The following KCNIP4 variants were observed in gnomAD, a reference collection of about 807,000 sequenced individuals.
KCNIP4 encodes Kv channel-interacting protein 4.
In KCNIP4, 12 loss-of-function variants were observed where a neutral mutation model predicts 34.0. The observed-to-expected ratio is 0.35, with a 90% CI of 0.23 to 0.57. The LOEUF (loss-of-function observed/expected upper bound fraction) is 0.57, where lower values mean the gene tolerates loss of function less well. KCNIP4 is among the 20% of genes least tolerant of loss of function. The probability of loss-of-function intolerance (pLI) is 0.83; values close to 1 mark genes in which losing one functional copy is unlikely to be tolerated. For synonymous variants in KCNIP4, 124 were observed against 102.2 expected (o/e 1.21, Z -1.29); for missense variants, 238 against 311.7 (o/e 0.76, Z 1.78).
intron 1 of KCNIP4, among the ~76,000 whole-genome samples, chr4:21,264,054 A>G (rs1761642343): frequency 6.6e-6 from 1 of 151,968 alleles, no homozygotes; most frequent in Non-Finnish European, 1.5e-5. Context: ...TGAAGGCTCT[A>G]TTGAATCCAA....
At chr4:21,176,774 G>A (rs1239279624) in intron 1 of KCNIP4, among the ~76,000 whole-genome samples, 1 of 152,096 alleles carries the variant, frequency 6.6e-6, no homozygotes, top group South Asian at 2.1e-4. Context: ...ACCCACCTCG[G>A]CCTCCCAAAG....
At chr4:21,908,777 C>T (rs185707517) in intron 1 of KCNIP4, among the ~76,000 whole-genome samples, 9 of 152,110 alleles carry the variant, frequency 5.9e-5, no homozygotes, top group Admixed American at 2.0e-4. Flanking sequence ...ATTTTTCTTC[C>T]GCAATCATAA....
At chr4:21,072,788 G>T (rs112065944) in intron 1 of KCNIP4, among the ~76,000 whole-genome samples, 3,885 of 152,108 alleles carry the variant, frequency 0.026, 148 homozygotes, top group African/African-American at 0.087. Context: ...GGTCTAACAT[G>T]TAAGTCTTTA....
intron 1 of KCNIP4, among the ~76,000 whole-genome samples, chr4:21,826,488 TA>T (rs199501305): frequency 2.6e-5 from 4 of 151,774 alleles, no homozygotes; most frequent in East Asian, 1.9e-4. Context: ...GTAACAACAA[TA>T]AAAAAAATAC....
intron 1 of KCNIP4, among the ~76,000 whole-genome samples, chr4:21,559,976 T>G (rs1739382098): frequency 6.6e-6 from 1 of 152,156 alleles, no homozygotes; most frequent in Non-Finnish European, 1.5e-5. Flanking sequence ...CTTGCTTGAT[T>G]TATGCCCTTA....
intron 1 of KCNIP4, among the ~76,000 whole-genome samples, chr4:21,230,828 G>A (rs190322962): frequency 6.6e-6 from 1 of 152,246 alleles, no homozygotes; most frequent in East Asian, 1.9e-4. Flanking sequence ...GAACATACAG[G>A]TGAATGTATC....
intron 1 of KCNIP4, among the ~76,000 whole-genome samples, chr4:21,039,623 AC>A (rs1345951169): frequency 6.6e-6 from 1 of 152,192 alleles, no homozygotes; most frequent in Non-Finnish European, 1.5e-5. Flanking sequence ...TATAACTGTT[AC>A]TAATGAAATA....
At chr4:20,924,257 CA>C (rs1729685223) in intron 1 of KCNIP4, among the ~76,000 whole-genome samples, 1 of 152,162 alleles carries the variant, frequency 6.6e-6, no homozygotes, top group African/African-American at 2.4e-5. Flanking sequence ...GCCATTGCTT[CA>C]GTGTGAGAAA....
intron 1 of KCNIP4, among the ~76,000 whole-genome samples, chr4:21,447,222 A>C (rs1728106005): frequency 6.6e-6 from 1 of 152,124 alleles, no homozygotes; most frequent in South Asian, 2.1e-4. Context: ...AGGCCATGTG[A>C]AGGTGGAGCA....
chr4:21,941,219 G>C (rs540225956), intron 1 of KCNIP4, among the ~76,000 whole-genome samples: 2 of 151,976 alleles, frequency 1.3e-5, no homozygotes, highest in East Asian at 1.9e-4. Context: ...GTCTTTTCTT[G>C]TAAAAAACAA....
rs117345858 is a variant in KCNIP4 at position 21,470,610 on chromosome 4, C to T, written c.61+477961G>A. Among the ~76,000 whole-genome samples the T allele has an allele frequency of 2.4e-4, 36 of 152,234 alleles. No individual in the cohort carries two copies. The East Asian group carries it at 5.4e-3, about 23-fold the overall frequency. On this transcript the variant is annotated intron_variant, in intron 1 of 8. Transcript: ENST00000382152. ...CTCTATGCTTTAACCAAATAACCTT[C>T]TGAGTTCCAGCTAGGGAGCTGGCAG...
intron 1 of KCNIP4, among the ~76,000 whole-genome samples, chr4:20,974,863 A>G (rs942123628): frequency 1.3e-5 from 2 of 152,212 alleles, no homozygotes; most frequent in Admixed American, 1.3e-4. Context: ...GGATGATTGA[A>G]TACATGATTA....
At chr4:21,510,406 T>C (rs915469559) in intron 1 of KCNIP4, among the ~76,000 whole-genome samples, 2 of 152,100 alleles carry the variant, frequency 1.3e-5, no homozygotes, top group African/African-American at 2.4e-5. Context: ...AGTCAATACA[T>C]AAAACAAGAT....
At chr4:21,320,807 C>T (rs925996384) in intron 1 of KCNIP4, among the ~76,000 whole-genome samples, 3 of 151,886 alleles carry the variant, frequency 2.0e-5, no homozygotes, top group Non-Finnish European at 4.4e-5. Flanking sequence ...CCCATCTCTA[C>T]TAAAAAGACA....
At chr4:20,741,802 A>T (rs561364365) in intron 5 of KCNIP4, among the ~76,000 whole-genome samples, 111 of 152,330 alleles carry the variant, frequency 7.3e-4, no homozygotes, top group African/African-American at 2.6e-3. Context: ...GAAAAGATCA[A>T]CAAAATTGAT....
At chr4:20,979,687 C>G (rs1452342271) in intron 1 of KCNIP4, among the ~76,000 whole-genome samples, 1 of 151,982 alleles carries the variant, frequency 6.6e-6, no homozygotes, top group Non-Finnish European at 1.5e-5. Flanking sequence ...TGTGAGCCAC[C>G]GCGCCTGGCT....
In KCNIP4 at chr4:21,742,221, T is replaced by C. The variant is rs114987993; in HGVS notation, c.61+206350A>G. ...AATGACACTTCCAATGTTTTTGTTG[T>C]CCAACCATGCATTACATAGAGAGAG... On this transcript the variant is annotated intron_variant, in intron 1 of 8. Coordinates refer to ENST00000382152, the MANE Select transcript of KCNIP4 (RefSeq NM_025221.6). Among the ~76,000 whole-genome samples, 206 of 152,300 alleles carry C rather than the reference T, an allele frequency of 1.4e-3. 1 individual carries two copies. The highest frequency in any genetic ancestry group is 4.7e-3 in the African/African-American group (194 of 41,574).
At chr4:20,742,481 A>T (rs912160472) in intron 5 of KCNIP4, among the ~76,000 whole-genome samples, 2 of 152,202 alleles carry the variant, frequency 1.3e-5, no homozygotes, top group African/African-American at 4.8e-5. Context: ...TGATTATCTC[A>T]ACAGACACAG....
At chr4:21,069,872 T>G (rs898574734) in intron 1 of KCNIP4, among the ~76,000 whole-genome samples, 8 of 152,188 alleles carry the variant, frequency 5.3e-5, no homozygotes, top group Admixed American at 1.3e-4. Flanking sequence ...AATGTGGGTG[T>G]GTAGTTCTGT....
Sources: gnomAD v4.1 joint callset for allele counts (sites outside exome capture counted in the v4.1 genomes callset) on GRCh38, gnomAD v4.1.1 for gene constraint, MANE v1.5 for transcripts, NCBI Gene and HGNC (gene_info 2026-07-23, HGNC 2026-07-21) for gene names.